The following MAF variants were observed in gnomAD, a reference collection of about 807,000 sequenced individuals.
MAF encodes transcription factor Maf.
In MAF, 10 loss-of-function variants were observed where a neutral mutation model predicts 22.0. That is an observed-to-expected ratio of 0.45 (90% confidence interval 0.28 to 0.77). The LOEUF (loss-of-function observed/expected upper bound fraction) is 0.77. MAF is among the 30% of genes least tolerant of loss of function. The probability of loss-of-function intolerance (pLI) is 0.12; values close to 1 mark genes in which losing one functional copy is unlikely to be tolerated. For missense variants in MAF, 544 were observed against 548.4 expected, an observed-to-expected ratio of 0.99 and a Z score of 0.08; for synonymous variants, 337 against 255.8, an observed-to-expected ratio of 1.32 and a Z score of -3.03.
At chr16:79,271,073 A>AT in the MAF span, among the ~76,000 whole-genome samples, 26 of 92,588 alleles carry the variant, frequency 2.8e-4, no homozygotes, top group Admixed American at 1.4e-3. Flanking sequence ...GCTTTCTGGC[A>AT]TTTTTTTTTA....
the MAF span, among the ~76,000 whole-genome samples, chr16:79,228,611 G>C: frequency 1.3e-5 from 2 of 152,010 alleles, no homozygotes; most frequent in African/African-American, 4.8e-5. Context: ...TTCAATGGTT[G>C]GCACCTTTGA....
the MAF span, among the ~76,000 whole-genome samples, chr16:79,415,713 G>T: frequency 1.3e-3 from 195 of 151,912 alleles, no homozygotes; most frequent in Non-Finnish European, 2.2e-3. Flanking sequence ...ATTAGAAAGG[G>T]CATGGGCTTT....
the MAF span, among the ~76,000 whole-genome samples, chr16:79,241,101 G>A: frequency 6.6e-6 from 1 of 152,090 alleles, no homozygotes; most frequent in Non-Finnish European, 1.5e-5. Flanking sequence ...GCGCAAAAAG[G>A]CTGGAAATTC....
the MAF span, among the ~76,000 whole-genome samples, chr16:79,373,332 C>T: frequency 8.4e-6 from 1 of 118,876 alleles, no homozygotes; most frequent in Non-Finnish European, 1.7e-5. Context: ...ATGGGTTAAT[C>T]AGTTACTATG....
the MAF span, among the ~76,000 whole-genome samples, chr16:79,243,374 A>G: frequency 6.6e-6 from 1 of 151,978 alleles, no homozygotes; most frequent in Non-Finnish European, 1.5e-5. Context: ...TAAAAAATGA[A>G]AAAGGGGATA....
chr16:79,590,176 T>C (rs971242488), downstream of MAF, among the ~76,000 whole-genome samples: 1 of 150,374 alleles, frequency 6.7e-6, no homozygotes, highest in Non-Finnish European at 1.5e-5. Flanking sequence ...AGGACTGGGA[T>C]GCGGTGTTCC....
chr16:79,444,301 C>T, the MAF span, among the ~76,000 whole-genome samples: 7 of 152,064 alleles, frequency 4.6e-5, no homozygotes, highest in African/African-American at 1.7e-4. Context: ...TAAGTTTCTT[C>T]TTTATGCTTT....
At chr16:79,433,605 TA>T in the MAF span, among the ~76,000 whole-genome samples, 3 of 151,970 alleles carry the variant, frequency 2.0e-5, no homozygotes, top group Admixed American at 2.0e-4. Context: ...GAGAAAGATA[TA>T]AATTTCAGAT....
chr16:79,576,231 TAAA>T, the MAF span, among the ~76,000 whole-genome samples: 824 of 42,954 alleles, frequency 0.019, 6 homozygotes, highest in African/African-American at 0.06. Flanking sequence ...CCTGTGGTAC[TAAA>T]AAAAAAAAAA....
At chr16:79,425,429 C>T in the MAF span, among the ~76,000 whole-genome samples, 14 of 152,114 alleles carry the variant, frequency 9.2e-5, no homozygotes, top group Non-Finnish European at 1.8e-4. Context: ...CAATTTGTGG[C>T]CTAGGAACTC....
chr16:79,424,225 A>C, the MAF span, among the ~76,000 whole-genome samples: 1 of 152,214 alleles, frequency 6.6e-6, no homozygotes, highest in South Asian at 2.1e-4. Flanking sequence ...AGGAAAATAA[A>C]ATAATAATGA....
At chr16:79,278,861 C>A in the MAF span, among the ~76,000 whole-genome samples, 18 of 152,250 alleles carry the variant, frequency 1.2e-4, no homozygotes, top group African/African-American at 4.1e-4. Context: ...GGCAAAGGCA[C>A]AGCCTACTGA....
the MAF span, among the ~76,000 whole-genome samples, chr16:79,461,537 T>C: frequency 6.6e-6 from 1 of 152,090 alleles, no homozygotes; most frequent in Non-Finnish European, 1.5e-5. Flanking sequence ...CTTTGTCATC[T>C]CCCCTCTCTT....
the MAF span, among the ~76,000 whole-genome samples, chr16:79,270,302 CAGTG>C: frequency 2.3e-4 from 35 of 152,044 alleles, no homozygotes; most frequent in Non-Finnish European, 4.7e-4. Context: ...TGGCTTGAGA[CAGTG>C]GGTGGCTGTG....
At chr16:79,221,843 C>G in the MAF span, among the ~76,000 whole-genome samples, 2 of 152,266 alleles carry the variant, frequency 1.3e-5, no homozygotes, top group African/African-American at 4.8e-5. Context: ...CTGTGAAGTT[C>G]TGTTATTAAA....
At chr16:79,213,487 T>G in the MAF span, among the ~76,000 whole-genome samples, 10 of 152,250 alleles carry the variant, frequency 6.6e-5, no homozygotes, top group East Asian at 1.9e-4. Flanking sequence ...AATCTACACC[T>G]GGAGGGGATC....
the MAF span, among the ~76,000 whole-genome samples, chr16:79,297,377 C>G: frequency 6.6e-6 from 1 of 152,122 alleles, no homozygotes; most frequent in Admixed American, 6.5e-5. Flanking sequence ...TCTACGGTGA[C>G]TGTGGGCAAG....
chr16:79,301,942 C>T, the MAF span, among the ~76,000 whole-genome samples: 4 of 152,214 alleles, frequency 2.6e-5, no homozygotes, highest in African/African-American at 4.8e-5. Flanking sequence ...TTGAGCACAA[C>T]GTTGAGAGCT....
At chr16:79,384,226 C>A in the MAF span, among the ~76,000 whole-genome samples, 24 of 151,132 alleles carry the variant, frequency 1.6e-4, no homozygotes, top group Non-Finnish European at 3.4e-4. Context: ...AGTGGATCAC[C>A]TGAGGTCAGG....
Sources: allele counts gnomAD v4.1 joint callset (sites outside exome capture counted in the v4.1 genomes callset), GRCh38; gene constraint gnomAD v4.1.1; transcripts MANE v1.5; gene names NCBI Gene and HGNC (gene_info 2026-07-23, HGNC 2026-07-21).